The following DKC1 variants were observed in gnomAD, a reference collection of about 807,000 sequenced individuals.
The protein encoded by DKC1 is H/ACA ribonucleoprotein complex subunit DKC1.
Under a neutral mutation model 46.7 loss-of-function variants are expected in DKC1, and 4 were observed. That is an observed-to-expected ratio of 0.09 (90% CI 0.04 to 0.20). The LOEUF is 0.20. Ranked by LOEUF, DKC1 falls within the 10% of genes least tolerant of loss-of-function variation. The pLI is 1.00. For missense variants in DKC1, 171 were observed against 404.2 expected, an observed-to-expected ratio of 0.42 and a Z score of 4.95; for synonymous variants, 141 against 142.4, an observed-to-expected ratio of 0.99 and a Z score of 0.07.
At chrX:154,773,026 G>T in intron 10 of DKC1, 105 bp from the exon 11 acceptor site, 1 of 562,489 alleles carries the variant, frequency 1.8e-6, no homozygotes, top group Non-Finnish European at 3.1e-6. Flanking sequence ...TAGTAGCTCA[G>T]AGTTTTAAAA....
chrX:154,769,856 T>C (rs2071799603), intron 9 of DKC1, among the ~76,000 whole-genome samples: 1 of 111,925 alleles, frequency 8.9e-6, no homozygotes, highest in South Asian at 3.7e-4. Flanking sequence ...CCTCTCCTTA[T>C]CAAACCATTG....
chrX:154,766,363 A>G lies in DKC1; in HGVS notation c.411A>G (p.Glu137=). Reference sequence around the variant, plus strand: ...CTGGTTGTTTAATCGTGTGCATAGAACGAGCCACTCGCTTGGTGAAGTCAC... The same window carrying G: ...CTGGTTGTTTAATCGTGTGCATAGAGCGAGCCACTCGCTTGGTGAAGTCAC... ...KVTGCLIVCI[E]RATRLVKSQQ... Residue 137 remains glutamate, a synonymous_variant, in exon 5 of 15, where the codon GAA becomes GAG. Coordinates refer to ENST00000369550, the MANE Select transcript of DKC1 (RefSeq NM_001363.5). 1 of 1,210,985 alleles carries G rather than the reference A, an allele frequency of 8.3e-7. No individual in the cohort carries two copies. Among genetic ancestry groups the G allele is most frequent in the South Asian group, 1.8e-5 (1 of 56,940 alleles).
chrX:154,767,215 A>G (rs1557264278), intron 6 of DKC1, 41 bp from the exon 7 acceptor site: 12 of 1,211,190 alleles, frequency 9.9e-6, no homozygotes, highest in Non-Finnish European at 1.3e-5. Context: ...GCACATGTAC[A>G]TTCTGATGAG....
intron 10 of DKC1, 82 bp from the exon 11 acceptor site, chrX:154,773,049 C>A: frequency 1.5e-6 from 1 of 682,619 alleles, no homozygotes; most frequent in Non-Finnish European, 2.4e-6. Context: ...TTTAAAGTGG[C>A]ATACAACAGT....
chrX:154,765,561 T>G, intron 3 of DKC1, 31 bp downstream of exon 3: 1 of 1,009,491 alleles, frequency 9.9e-7, no homozygotes, highest in Non-Finnish European at 1.4e-6. Flanking sequence ...ATCAGATGAA[T>G]GCCTGCTTTT....
intron 2 of DKC1, 74 bp from the exon 3 acceptor site, chrX:154,765,370 A>ATT: frequency 2.3e-6 from 2 of 869,870 alleles, no homozygotes; most frequent in Non-Finnish European, 3.4e-6. Context: ...AAAGGCATAC[A>ATT]TTTCCATGGC....
intron 13 of DKC1, 135 bp downstream of exon 13, chrX:154,775,408 G>T (rs2071884202): frequency 1.1e-5 from 7 of 629,002 alleles, no homozygotes; most frequent in East Asian, 3.5e-5. Flanking sequence ...GCATACACAG[G>T]TAATGCTGCC....
chrX:154,775,030 G>A (rs781988705), intron 12 of DKC1, 165 bp from the exon 13 acceptor site: 4 of 604,886 alleles, frequency 6.6e-6, no homozygotes, highest in African/African-American at 2.2e-5. Flanking sequence ...AGTCTGGCTC[G>A]TGGGACTCTA....
chrX:154,772,162 GTGTC>G (rs1557265029), intron 10 of DKC1, among the ~76,000 whole-genome samples: 1 of 112,513 alleles, frequency 8.9e-6, no homozygotes, highest in African/African-American at 3.2e-5. Context: ...CTTTTGAGAA[GTGTC>G]TGTTCAAATC....
Position 154,776,299 on chromosome X carries a change from A to C in DKC1, c.1451A>C (p.Glu484Ala), listed in dbSNP as rs781923825. Residue 484 changes from glutamate to alanine, a missense_variant, in exon 14 of 15, where the codon GAG becomes GCG. Transcript: ENST00000369550. ...KKDKKAKAGLESGAEPGDGDS... is the reference protein window; with the variant it reads ...KKDKKAKAGLASGAEPGDGDS... ...GACAAGAAGGCCAAAGCTGGTCTGG[A>C]GAGCGGGGCCGAGCCTGGAGATGGG... 6 of 1,201,428 alleles carry C rather than the reference A, an allele frequency of 5.0e-6. No homozygotes were observed. Among genetic ancestry groups the C allele is most frequent in the Admixed American group, 2.2e-5 (1 of 44,462 alleles).
chrX:154,770,467 T>A (rs11507854), intron 9 of DKC1, among the ~76,000 whole-genome samples: 71 of 67,660 alleles, frequency 1.0e-3, no homozygotes, highest in Admixed American at 1.4e-3. Flanking sequence ...GCCTGAAAAT[T>A]AAAAAAAAAA....
intron 11 of DKC1, 50 bp from the exon 12 acceptor site, chrX:154,774,552 G>A (rs1557265396): frequency 1.3e-5 from 14 of 1,085,558 alleles, no homozygotes; most frequent in Middle Eastern, 2.5e-4. Flanking sequence ...CACCATGCCC[G>A]CTTCCAGCAT....
rs1557265403 is a variant in DKC1 at position 154,774,592 on chromosome X, G to A, written c.1156-10G>A. The A allele has an allele frequency of 1.7e-5, 21 of 1,206,426 alleles. No homozygotes were observed. Among genetic ancestry groups the A allele is most frequent in the Non-Finnish European group, 2.4e-5 (21 of 890,743 alleles). On this transcript the variant is annotated splice_polypyrimidine_tract_variant and intron_variant, in intron 11 of 14. Transcript: ENST00000369550. ...ACCATTCTAATGTTGACACCTTGAT[G>A]TTCCACCAGGCAAGTCAGAAGAAGC...
At chrX:154,770,613 C>T in intron 9 of DKC1, 146 bp from the exon 10 acceptor site, 1 of 738,911 alleles carries the variant, frequency 1.4e-6, no homozygotes, top group African/African-American at 2.1e-5. Flanking sequence ...GAGTACCACT[C>T]ATGCCCCTTG....
intron 8 of DKC1, chrX:154,768,850 G>A (rs1182369021): frequency 1.8e-5 from 5 of 275,987 alleles, no homozygotes; most frequent in Admixed American, 1.2e-4. Flanking sequence ...AGCCGGGCGC[G>A]GTGGCGGGCG....
In DKC1 at chrX:154,774,711, G is replaced by T; in HGVS notation, c.1259+6G>T. On this transcript the variant is annotated splice_donor_region_variant and intron_variant, in intron 12 of 14. Transcript: ENST00000369550. ...CAGGAGTATGTTGACTACAGGTGAG[G>T]GCAGGATGTTTCAGAGCCGGGGTGG... 8.3e-7 allele frequency: 1 copy of T among 1,201,584 alleles called. No individual in the cohort carries two copies. The highest frequency in any genetic ancestry group is 1.1e-6 in the Non-Finnish European group (1 of 886,511).
intron 2 of DKC1, 108 bp from the exon 3 acceptor site, chrX:154,765,336 A>T: frequency 1.5e-6 from 1 of 670,497 alleles, no homozygotes; most frequent in Non-Finnish European, 2.5e-6. Context: ...GTGAAAAGGC[A>T]TAGGAAGCCT....
At chrX:154,765,221 G>T (rs1255523674) in intron 2 of DKC1, 11 of 479,662 alleles carry the variant, frequency 2.3e-5, no homozygotes, top group African/African-American at 4.8e-5. Context: ...CCACAGACCC[G>T]CCATCCCCCT....
At chrX:154,767,114 C>A in intron 6 of DKC1, 53 bp downstream of exon 6, 1 of 1,179,594 alleles carries the variant, frequency 8.5e-7, no homozygotes, top group South Asian at 1.8e-5. Context: ...ATCTCTGAGC[C>A]CCTAAACATC....
Sources: gnomAD v4.1 joint callset for allele counts (sites outside exome capture counted in the v4.1 genomes callset) on GRCh38, gnomAD v4.1.1 for gene constraint, MANE v1.5 for transcripts, NCBI Gene and HGNC (gene_info 2026-07-23, HGNC 2026-07-21) for gene names.